The following NOL4L variants were observed in gnomAD, a reference collection of about 807,000 sequenced individuals.
NOL4L encodes nucleolar protein 4-like.
In NOL4L, 7 loss-of-function variants were observed where a neutral mutation model predicts 64.5. The ratio of observed to expected loss-of-function variants is 0.11; its 90% confidence interval spans 0.06 to 0.20. NOL4L has a LOEUF of 0.20. Ranked by LOEUF, NOL4L falls within the 10% of genes least tolerant of loss-of-function variation. The pLI, the probability that NOL4L is intolerant of heterozygous loss-of-function variation, is 1.00. For synonymous variants in NOL4L, 413 were observed against 401.0 expected (o/e 1.03, Z -0.36); for missense variants, 680 against 967.1 (o/e 0.70, Z 3.94).
intron 1 of NOL4L, among the ~76,000 whole-genome samples, chr20:32,574,947 G>A (rs1231656357): frequency 6.6e-6 from 1 of 151,938 alleles, no homozygotes; most frequent in Non-Finnish European, 1.5e-5. Flanking sequence ...GGTTGCCTGC[G>A]ACCCTCTAGC....
chr20:32,450,974 T>G (rs931368191), intron 10 of NOL4L, among the ~76,000 whole-genome samples: 4 of 152,130 alleles, frequency 2.6e-5, no homozygotes, highest in Non-Finnish European at 5.9e-5. Flanking sequence ...CTGCATACAC[T>G]TCCTGGTTCT....
chr20:32,575,079 C>A (rs944928944), intron 1 of NOL4L, among the ~76,000 whole-genome samples: 3 of 152,172 alleles, frequency 2.0e-5, no homozygotes, highest in Non-Finnish European at 4.4e-5. Context: ...CCTTCTCCAT[C>A]GCCCTCTTGC....
chr20:32,484,060 C>A (rs944822907), intron 4 of NOL4L, among the ~76,000 whole-genome samples: 7 of 151,974 alleles, frequency 4.6e-5, no homozygotes, highest in Non-Finnish European at 1.0e-4. Context: ...GAGAGGGCAC[C>A]CGGCGGGCTG....
At position 32,453,047 on chromosome 20, in the gene NOL4L, G is replaced by A. The variant is rs757559459; in HGVS notation, c.1498-41C>T. The A allele has an allele frequency of 6.2e-7, 1 of 1,608,490 alleles. No homozygotes were observed. The highest frequency in any genetic ancestry group is 1.1e-5 in the South Asian group (1 of 90,990). ...GGATGGAGCTAGCATGGGGCCCGTG[G>A]GGGCCCTGGGCTTGTGCAGAGACCC... On this transcript the variant is annotated intron_variant, in intron 8 of 10. Coordinates refer to ENST00000621426, the MANE Select transcript of NOL4L (RefSeq NM_001256798.2). The surrounding 1 kb of genome is among the most constrained non-coding windows in gnomAD (Gnocchi z 5.6).
intron 4 of NOL4L, among the ~76,000 whole-genome samples, chr20:32,509,147 T>G (rs2017268586): frequency 6.6e-6 from 1 of 152,158 alleles, no homozygotes; most frequent in Non-Finnish European, 1.5e-5. Context: ...AATGCCCCAC[T>G]GATCACTTCC....
chr20:32,507,397 A>C (rs1466550498), intron 4 of NOL4L, among the ~76,000 whole-genome samples: 1 of 152,182 alleles, frequency 6.6e-6, no homozygotes, highest in African/African-American at 2.4e-5. Flanking sequence ...TATTGGGTGC[A>C]CTGAACCAGA....
intron 4 of NOL4L, among the ~76,000 whole-genome samples, chr20:32,480,624 C>G (rs897132834): frequency 1.3e-5 from 2 of 152,206 alleles, no homozygotes; most frequent in Non-Finnish European, 2.9e-5. Context: ...TCCATGTCAG[C>G]GAGCATTACA....
chr20:32,579,129 G>T (rs1398613698), intron 1 of NOL4L, among the ~76,000 whole-genome samples: 4 of 152,192 alleles, frequency 2.6e-5, no homozygotes. Context: ...GTCCAATCCA[G>T]ATCTCACATG....
chr20:32,473,377 C>A (rs1254275964), intron 5 of NOL4L, among the ~76,000 whole-genome samples: 1 of 152,236 alleles, frequency 6.6e-6, no homozygotes, highest in Non-Finnish European at 1.5e-5. Flanking sequence ...CCGGTCCCCA[C>A]CCCCGTGGGA....
intron 4 of NOL4L, chr20:32,475,411 C>T: frequency 1.1e-6 from 1 of 903,386 alleles, no homozygotes; most frequent in Non-Finnish European, 1.3e-6. Flanking sequence ...AAAGGGGGTT[C>T]AGCTCAAGGG....
intron 1 of NOL4L, chr20:32,536,933 C>T (rs1253468688): frequency 9.3e-6 from 4 of 428,566 alleles, no homozygotes; most frequent in Non-Finnish European, 9.3e-6. Flanking sequence ...GGCGCGCGCC[C>T]GCTCACCTGG....
rs1457148046 is a variant in NOL4L at position 32,446,655 on chromosome 20, G to C, written c.*941C>G. On this transcript the variant is annotated 3_prime_UTR_variant, in exon 11 of 11. Transcript: ENST00000621426. ...GGGCTGCAGTGGCTGGTTAGGGACA[G>C]GACGCTCTCTGGGTTCCAGCTCCTG... 1.3e-5 allele frequency: 2 copies of C among 153,962 alleles called. No individual in the cohort carries two copies. Among genetic ancestry groups the C allele is most frequent in the Non-Finnish European group, 2.9e-5 (2 of 69,202 alleles). The allele number at this position is 153,962 out of a possible 1,614,324, so 9.5% of individuals were successfully genotyped here. A position where few individuals can be genotyped will look rare whatever the true frequency, so the allele number is the denominator to read the frequency against.
intron 4 of NOL4L, chr20:32,486,671 A>C (rs1350147693): frequency 2.1e-6 from 1 of 466,306 alleles, no homozygotes; most frequent in Non-Finnish European, 4.4e-6. Context: ...CAAATGACTT[A>C]TTAATGACAG....
rs534800540 is a variant in NOL4L, at chr20:32,543,802, A to C, written c.322-15889T>G. On this transcript the variant is annotated intron_variant, in intron 1 of 10. Transcript: ENST00000621426. ...GAGACCTTGTCTCAGAAAAAAACAA[A>C]AAAAAAAAGATACCAGGGTCAGGCA... 1.1e-3 allele frequency among the ~76,000 whole-genome samples: 160 copies of C among 152,030 alleles called. 1 individual carries two copies. The highest frequency in any genetic ancestry group is 1.6e-3 in the Non-Finnish European group (109 of 67,958).
At chr20:32,506,072 T>TA (rs942117858) in intron 4 of NOL4L, among the ~76,000 whole-genome samples, 16 of 152,270 alleles carry the variant, frequency 1.1e-4, no homozygotes, top group African/African-American at 3.4e-4. Flanking sequence ...ACAGTTTTCT[T>TA]AAAAAAATGA....
intron 4 of NOL4L, among the ~76,000 whole-genome samples, chr20:32,496,943 G>A (rs1237585788): frequency 6.6e-6 from 1 of 151,222 alleles, no homozygotes. Flanking sequence ...GTGCCTCTCA[G>A]TCTGAATAGG....
In NOL4L at chr20:32,452,342, G is replaced by A. The variant is rs777250272; in HGVS notation, c.1716C>T (p.Asp572=). 2 of 1,611,782 alleles carry A rather than the reference G, an allele frequency of 1.2e-6. No homozygotes were observed. Among genetic ancestry groups the A allele is most frequent in the Admixed American group, 3.3e-5 (2 of 59,842 alleles). ...TGAGGCCGCCGTTGGCGTACACAGGGTCCTGGGAGTAGGAGGAGGCTGGCA... is the reference window on the plus strand; with the variant it reads ...TGAGGCCGCCGTTGGCGTACACAGGATCCTGGGAGTAGGAGGAGGCTGGCA... ...YSLPASSYSQ[D]PVYANGGLNY... The change falls in exon 10 of 11, where the codon GAC becomes GAT. Residue 572 remains aspartate (D), a synonymous_variant. Coordinates refer to ENST00000621426, the MANE Select transcript of NOL4L (RefSeq NM_001256798.2).
Position 32,542,984 on chromosome 20 carries a change from G to A in NOL4L, c.322-15071C>T, listed in dbSNP as rs530392136. On this transcript the variant is annotated intron_variant, in intron 1 of 10. Coordinates refer to ENST00000621426, the MANE Select transcript of NOL4L (RefSeq NM_001256798.2). ...GCAGGAAAGCGCTGAGCACACAGCC[G>A]TTCTCGATAAACACGAGCTCTCTTG... 6.6e-4 allele frequency among the ~76,000 whole-genome samples: 101 copies of A among 152,268 alleles called. 1 individual carries two copies. Among genetic ancestry groups the A allele is most frequent in the African/African-American group, 2.4e-3 (100 of 41,560 alleles).
Position 32,538,481 on chromosome 20 carries a change from C to G in NOL4L, c.322-10568G>C, listed in dbSNP as rs1351790124. Among the ~76,000 whole-genome samples the G allele has an allele frequency of 7.0e-5, 10 of 143,584 alleles. No homozygotes were observed. The East Asian group carries it at 1.8e-3, about 26-fold the overall frequency. The allele number at this position is 143,584 out of a possible 152,430, so 94.2% of individuals were successfully genotyped here. ...TCCCTCGCTCCCTCCCTCCCTCCCTCCCTCCCTCCCTCCCTCCCTCCTCCT... is the reference window on the plus strand; with the variant it reads ...TCCCTCGCTCCCTCCCTCCCTCCCTGCCTCCCTCCCTCCCTCCCTCCTCCT... On this transcript the variant is annotated intron_variant, in intron 1 of 10. Coordinates refer to ENST00000621426, the MANE Select transcript of NOL4L (RefSeq NM_001256798.2).
Sources: gnomAD v4.1 joint callset for allele counts (sites outside exome capture counted in the v4.1 genomes callset) on GRCh38, gnomAD v4.1.1 for gene constraint, Gnocchi (gnomAD v3.1) non-coding constraint, MANE v1.5 for transcripts, NCBI Gene and HGNC (gene_info 2026-07-23, HGNC 2026-07-21) for gene names.